BAALC: variants seen among roughly 807,000 people sequenced by gnomAD.
The protein encoded by BAALC is brain and acute leukemia cytoplasmic protein.
In BAALC, 9 loss-of-function variants were observed where a neutral mutation model predicts 15.5. The ratio of observed to expected loss-of-function variants is 0.58; its 90% confidence interval spans 0.35 to 1.02. The LOEUF is 1.02. Among genes scored for constraint, BAALC ranks in the 50% least tolerant of loss-of-function variants. BAALC has a pLI of 0.02. For synonymous variants in BAALC, 80 were observed against 74.6 expected (o/e 1.07, Z -0.37); for missense variants, 201 against 192.4 (o/e 1.04, Z -0.27).
At chr8:103,199,778 T>C (rs529338433) in intron 1 of BAALC, among the ~76,000 whole-genome samples, 141 of 92,672 alleles carry the variant, frequency 1.5e-3, no homozygotes, top group Non-Finnish European at 2.4e-3. Flanking sequence ...CTAGTACCCA[T>C]TAGTTATTTT....
chr8:103,174,635 A>G (rs1458803213), intron 1 of BAALC, among the ~76,000 whole-genome samples: 2 of 152,228 alleles, frequency 1.3e-5, no homozygotes, highest in Non-Finnish European at 2.9e-5. Flanking sequence ...CTGAGGATAG[A>G]GAAAGCCACT....
intron 1 of BAALC, chr8:103,165,601 A>G (rs1811327414): frequency 1.3e-5 from 2 of 152,206 alleles, no homozygotes; most frequent in Admixed American, 1.3e-4. Flanking sequence ...CTGAAGTCCC[A>G]TAGTTTGTCA....
intron 1 of BAALC, among the ~76,000 whole-genome samples, chr8:103,142,400 T>C (rs1810797563): frequency 6.6e-6 from 1 of 152,236 alleles, no homozygotes; most frequent in Non-Finnish European, 1.5e-5. Context: ...AGAATGGTTA[T>C]TTTGTATTGC....
At chr8:103,183,238 A>G in intron 1 of BAALC, 1 of 658,234 alleles carries the variant, frequency 1.5e-6, no homozygotes, top group South Asian at 1.7e-5. Context: ...GGACACCAGC[A>G]AGATGGCCAA....
chr8:103,160,406 T>G (rs1364792924), intron 1 of BAALC, among the ~76,000 whole-genome samples: 1 of 152,200 alleles, frequency 6.6e-6, no homozygotes, highest in African/African-American at 2.4e-5. Context: ...TTTCCTGTTA[T>G]AGCTGAAGTG....
At chr8:103,221,493 T>A (rs1242129606) in intron 2 of BAALC, among the ~76,000 whole-genome samples, 1 of 151,746 alleles carries the variant, frequency 6.6e-6, no homozygotes. Context: ...GTAATTGCAA[T>A]AGAAACACAT....
At chr8:103,188,803 A>G (rs1811902221) in intron 1 of BAALC, among the ~76,000 whole-genome samples, 1 of 152,238 alleles carries the variant, frequency 6.6e-6, no homozygotes, top group Non-Finnish European at 1.5e-5. Flanking sequence ...AGAAAGGAGT[A>G]CATATATTTT....
At chr8:103,175,983 C>T (rs1811598485) in intron 1 of BAALC, among the ~76,000 whole-genome samples, 1 of 152,160 alleles carries the variant, frequency 6.6e-6, no homozygotes, top group Non-Finnish European at 1.5e-5. Flanking sequence ...CAAAGTTACA[C>T]AGTTGAAAGT....
intron 2 of BAALC, among the ~76,000 whole-genome samples, chr8:103,222,733 C>T (rs1055899726): frequency 4.6e-5 from 7 of 152,138 alleles, no homozygotes; most frequent in African/African-American, 9.7e-5. Context: ...GATTTGTTTA[C>T]GGCTTGGAAC....
chr8:103,169,629 T>C (rs908717622), intron 1 of BAALC, among the ~76,000 whole-genome samples: 12 of 152,206 alleles, frequency 7.9e-5, no homozygotes, highest in Non-Finnish European at 1.2e-4. Context: ...AGTGATCAGA[T>C]TCCACTGAGC....
chr8:103,161,084 T>C (rs1811214847), intron 1 of BAALC, among the ~76,000 whole-genome samples: 1 of 152,218 alleles, frequency 6.6e-6, no homozygotes, highest in African/African-American at 2.4e-5. Flanking sequence ...ATTTTACTTT[T>C]GCATTTCAGG....
intron 1 of BAALC, among the ~76,000 whole-genome samples, chr8:103,175,744 C>T (rs936921198): frequency 3.3e-5 from 5 of 152,188 alleles, no homozygotes; most frequent in Admixed American, 1.3e-4. Flanking sequence ...GAGCTCGAAC[C>T]CCAAGGTGGC....
intron 1 of BAALC, among the ~76,000 whole-genome samples, chr8:103,141,724 C>T (rs960266782): frequency 1.3e-5 from 2 of 152,232 alleles, no homozygotes; most frequent in African/African-American, 2.4e-5. Flanking sequence ...TCTCCCTACC[C>T]TATGGTGTCC....
chr8:103,146,421 G>A (rs866619191), intron 1 of BAALC, among the ~76,000 whole-genome samples: 1 of 152,162 alleles, frequency 6.6e-6, no homozygotes, highest in South Asian at 2.1e-4. Flanking sequence ...ACCTGTTACC[G>A]CTTGTGGTTC....
At chr8:103,227,927 C>T in intron 2 of BAALC, 62 bp from the exon 3 acceptor site, 2 of 1,179,074 alleles carry the variant, frequency 1.7e-6, no homozygotes, top group Non-Finnish European at 2.5e-6. Flanking sequence ...TGAGACTTGC[C>T]TCGGTCATTT....
At chr8:103,197,902 T>C (rs1439497067) in intron 1 of BAALC, among the ~76,000 whole-genome samples, 1 of 152,170 alleles carries the variant, frequency 6.6e-6, no homozygotes, top group Non-Finnish European at 1.5e-5. Flanking sequence ...CGGGATTACA[T>C]TTCAAGACGA....
intron 1 of BAALC, among the ~76,000 whole-genome samples, chr8:103,146,267 C>G (rs995292442): frequency 6.6e-6 from 1 of 152,138 alleles, no homozygotes; most frequent in African/African-American, 2.4e-5. Context: ...ACTGTCCGAG[C>G]CAACCCTCCC....
chr8:103,148,415 G>A (rs1309124581), intron 1 of BAALC, among the ~76,000 whole-genome samples: 4 of 152,190 alleles, frequency 2.6e-5, no homozygotes, highest in African/African-American at 7.2e-5. Context: ...CATAGTAGGT[G>A]TATGTATGCA....
At chr8:103,163,519 T>C (rs189202995) in intron 1 of BAALC, among the ~76,000 whole-genome samples, 1 of 152,324 alleles carries the variant, frequency 6.6e-6, no homozygotes, top group Non-Finnish European at 1.5e-5. Context: ...GAATCATCTC[T>C]GGTTGTTCAG....
Sources: gnomAD v4.1 joint callset for allele counts (sites outside exome capture counted in the v4.1 genomes callset) on GRCh38, gnomAD v4.1.1 for gene constraint, MANE v1.5 for transcripts, NCBI Gene and HGNC (gene_info 2026-07-23, HGNC 2026-07-21) for gene names.